The following ITGA4 variants were observed in gnomAD, a reference collection of about 807,000 sequenced individuals.
The protein encoded by ITGA4 is integrin subunit alpha 4, also known as integrin alpha-4.
ITGA4 carries 63 observed loss-of-function variants against 133.6 expected under a neutral mutation model. The observed-to-expected ratio is 0.47, with a 90% CI of 0.38 to 0.58. The LOEUF (loss-of-function observed/expected upper bound fraction) is 0.58. Among genes scored for constraint, ITGA4 ranks in the 20% least tolerant of loss-of-function variants. ITGA4 has a pLI of 0.00. For synonymous variants in ITGA4, 483 were observed against 438.0 expected (o/e 1.10, Z -1.28); for missense variants, 1,076 against 1,252.7 (o/e 0.86, Z 2.13).
At chr2:181,458,554 A>G (rs1022351345) in intron 2 of ITGA4, 2 of 530,500 alleles carry the variant, frequency 3.8e-6, no homozygotes, top group Non-Finnish European at 6.8e-6. Context: ...CAACTATGCT[A>G]GAGAAATTTC....
At chr2:181,518,665 C>A (rs1457978923) in intron 17 of ITGA4, among the ~76,000 whole-genome samples, 1 of 151,998 alleles carries the variant, frequency 6.6e-6, no homozygotes, top group Non-Finnish European at 1.5e-5. Context: ...TCAACTCTGT[C>A]ACTGCAGTGC....
rs11398148 is a variant in ITGA4 at position 181,489,391 on chromosome 2, G to GAA, written c.1153+3404_1153+3405dup. ...TTAGTGTAAAACTCATCAAAAGCAT[G>GAA]AAAAAATCGGTCAGACAGACTAATG... On this transcript the variant is annotated intron_variant, in intron 10 of 27. Coordinates refer to ENST00000397033, the MANE Select transcript of ITGA4 (RefSeq NM_000885.6). 3.6e-4 allele frequency among the ~76,000 whole-genome samples: 55 copies of GAA among 152,282 alleles called. 1 individual carries two copies. The East Asian group carries it at 0.01, about 29-fold the overall frequency.
rs1685902772 is a variant in ITGA4 at position 181,485,869 on chromosome 2, C to T, written c.1042-12C>T. ...TGTTATAATGACACGTTTTCTCTCCCTTTCTATCTAGGGAGCAGTAATGAA... is the reference window on the plus strand; with the variant it reads ...TGTTATAATGACACGTTTTCTCTCCTTTTCTATCTAGGGAGCAGTAATGAA... On this transcript the variant is annotated splice_polypyrimidine_tract_variant and intron_variant, in intron 9 of 27. Transcript: ENST00000397033. 3.1e-6 allele frequency: 5 copies of T among 1,589,792 alleles called. No homozygotes were observed. Among genetic ancestry groups the T allele is most frequent in the Non-Finnish European group, 4.3e-6 (5 of 1,168,192 alleles).
intron 12 of ITGA4, 77 bp downstream of exon 12, chr2:181,494,889 A>G: frequency 1.3e-6 from 1 of 761,976 alleles, no homozygotes; most frequent in Non-Finnish European, 2.3e-6. Context: ...GAAGTACGTA[A>G]AACTGGTATG....
intron 26 of ITGA4, among the ~76,000 whole-genome samples, chr2:181,534,580 G>T (rs534707975): frequency 2.6e-5 from 4 of 151,334 alleles, no homozygotes; most frequent in African/African-American, 9.7e-5. Context: ...GAATTGGGCA[G>T]CAGTGAGAAT....
chr2:181,500,823 TAAA>T (rs1427439331), intron 15 of ITGA4, among the ~76,000 whole-genome samples: 9 of 152,036 alleles, frequency 5.9e-5, no homozygotes, highest in Non-Finnish European at 5.9e-5. Flanking sequence ...GAATAAGACA[TAAA>T]AACATCACTA....
Position 181,537,040 on chromosome 2 carries a change from T to A in ITGA4, c.*1513T>A, listed in dbSNP as rs1034629062. 2.2e-6 allele frequency: 1 copy of A among 444,818 alleles called. No individual in the cohort carries two copies. Among genetic ancestry groups the A allele is most frequent in the East Asian group, 7.0e-5 (1 of 14,312 alleles). The allele number at this position is 444,818 out of a possible 1,614,324, so 27.6% of individuals were successfully genotyped here. The stretch of plus-strand genomic sequence containing the variant: ...AATGTTCTGAGATTTGCGAAGGCAT[T>A]TGAGTAGTGAAATGTAAGCACAAAA... On this transcript the variant is annotated 3_prime_UTR_variant, in exon 28 of 28. Coordinates refer to ENST00000397033, the MANE Select transcript of ITGA4 (RefSeq NM_000885.6).
rs149457755 is a variant in ITGA4 at position 181,537,701 on chromosome 2, G to A, written c.*2174G>A. The A allele has an allele frequency of 3.2e-4, 136 of 426,098 alleles. No homozygotes were observed. Among genetic ancestry groups the A allele is most frequent in the African/African-American group, 2.7e-3 (127 of 47,554 alleles). The allele number at this position is 426,098 out of a possible 1,614,324, so 26.4% of individuals were successfully genotyped here. A position where few individuals can be genotyped will look rare whatever the true frequency, so the allele number is the denominator to read the frequency against. On this transcript the variant is annotated 3_prime_UTR_variant, in exon 28 of 28. Transcript: ENST00000397033. ...AGGTTAAATATTGATGTATTATGATGGTTGCAAAGTTTTTTTGTGTGTCCA... is the reference window on the plus strand; with the variant it reads ...AGGTTAAATATTGATGTATTATGATAGTTGCAAAGTTTTTTTGTGTGTCCA...
At chr2:181,478,883 A>G (rs748950268) in intron 5 of ITGA4, 59 bp downstream of exon 5, 2 of 846,510 alleles carry the variant, frequency 2.4e-6, no homozygotes, top group South Asian at 2.8e-5. Context: ...AATTCTTCTC[A>G]TGGTTTGGAA....
intron 2 of ITGA4, among the ~76,000 whole-genome samples, chr2:181,470,957 C>T (rs1685536341): frequency 6.6e-6 from 1 of 152,098 alleles, no homozygotes; most frequent in South Asian, 2.1e-4. Flanking sequence ...GTTCTCTGAA[C>T]AGATTCTAAC....
intron 17 of ITGA4, among the ~76,000 whole-genome samples, chr2:181,517,344 C>CA (rs1686626319): frequency 6.6e-6 from 1 of 151,950 alleles, no homozygotes. Context: ...ACTTGGGGAG[C>CA]ATTTCTTGCA....
chr2:181,459,075 A>G (rs896143350), intron 2 of ITGA4: 1 of 152,282 alleles, frequency 6.6e-6, no homozygotes, highest in Non-Finnish European at 1.5e-5. Context: ...ATCTTGTTCC[A>G]AAGTGTTACT....
In ITGA4 at chr2:181,457,685, C is replaced by T. The variant is rs1418255145; in HGVS notation, c.31C>T (p.Pro11Ser). The part of the protein sequence containing the change: MAWEARREPG[P>S]RRAAVRETVM... ...TTGGGAAGCGAGGCGCGAACCCGGC[C>T]CCCGAAGGGCCGCCGTCCGGGAGAC... Residue 11 changes from proline (P) to serine (S), a missense_variant, in exon 1 of 28, where the codon CCC becomes TCC. Physicochemically the swap from Pro to Ser is moderately conservative, Grantham distance 74. Transcript: ENST00000397033. The T allele has an allele frequency of 3.1e-6, 5 of 1,611,344 alleles. No homozygotes were observed. The highest frequency in any genetic ancestry group is 2.2e-5 in the South Asian group (2 of 90,794).
At position 181,475,162 on chromosome 2, in the gene ITGA4, T is replaced by A. The variant is rs1227312503; in HGVS notation, c.430T>A (p.Cys144Ser). Residue 144 changes from cysteine to serine, a missense_variant, in exon 4 of 28, where the codon TGT (cysteine) becomes AGT (serine). Cys to Ser is a moderately radical substitution (Grantham distance 112). Transcript: ENST00000397033. Reference protein sequence around the residue: ...QPGENGSIVTCGHRWKNIFYI... With the variant: ...QPGENGSIVTSGHRWKNIFYI... ...GGTCTACTTTTATTTTATTCAGACT[T>A]GTGGGCATAGATGGAAAAATATATT... The A allele has an allele frequency of 6.2e-7, 1 of 1,613,604 alleles. No homozygotes were observed. The highest frequency in any genetic ancestry group is 8.5e-7 in the Non-Finnish European group (1 of 1,179,788).
chr2:181,492,788 T>C (rs1299567014), intron 10 of ITGA4, among the ~76,000 whole-genome samples: 1 of 152,240 alleles, frequency 6.6e-6, no homozygotes, highest in Non-Finnish European at 1.5e-5. Context: ...TTAATCATTT[T>C]CATTGGAATA....
At position 181,537,261 on chromosome 2, in the gene ITGA4, C is replaced by CCTACTCAGAACTACTCAG. The variant is rs1302040100; in HGVS notation, c.*1735_*1752dup. On this transcript the variant is annotated 3_prime_UTR_variant, in exon 28 of 28. Transcript: ENST00000397033. ...TAAGGAAATTTACATTTGGTTCTTT[C>CCTACTCAGAACTACTCAG]CTACTCAGAACTACTCAGAAACAAC... The CCTACTCAGAACTACTCAG allele has an allele frequency of 8.8e-6, 4 of 453,824 alleles. No homozygotes were observed. In the East Asian group the frequency reaches 2.1e-4, roughly 24 times the overall value. The allele number at this position is 453,824 out of a possible 1,614,324, so 28.1% of individuals were successfully genotyped here.
At chr2:181,469,199 T>C (rs934882059) in intron 2 of ITGA4, among the ~76,000 whole-genome samples, 1 of 152,180 alleles carries the variant, frequency 6.6e-6, no homozygotes, top group African/African-American at 2.4e-5. Context: ...CAAAGACAAT[T>C]TGCTTAACAT....
chr2:181,484,771 C>T (rs1685877633), intron 9 of ITGA4, among the ~76,000 whole-genome samples: 1 of 152,152 alleles, frequency 6.6e-6, no homozygotes, highest in Admixed American at 6.5e-5. Context: ...ATTATAAGTA[C>T]ATACAAAGTG....
rs1252525580 is a variant in ITGA4 at position 181,495,016 on chromosome 2, T to C, written c.1339+204T>C. ...CAGTGCTAGTTACACAATGTTATAG[T>C]CTGTGTTTTTGAAAACATGAAAGCA... On this transcript the variant is annotated intron_variant, in intron 12 of 27. Coordinates refer to ENST00000397033, the MANE Select transcript of ITGA4 (RefSeq NM_000885.6). This position sits in a 1 kb window ranked among gnomAD's most constrained non-coding sequence, Gnocchi z 4.3. 6.6e-6 allele frequency among the ~76,000 whole-genome samples: 1 copy of C among 152,194 alleles called. No homozygotes were observed. Among genetic ancestry groups the C allele is most frequent in the Non-Finnish European group, 1.5e-5 (1 of 68,026 alleles).
Sources: gnomAD v4.1 joint callset for allele counts (sites outside exome capture counted in the v4.1 genomes callset) on GRCh38, gnomAD v4.1.1 for gene constraint, Gnocchi (gnomAD v3.1) non-coding constraint, MANE v1.5 for transcripts, NCBI Gene and HGNC (gene_info 2026-07-23, HGNC 2026-07-21) for gene names.